DLGAP2: variants seen among roughly 807,000 people sequenced by gnomAD.
The protein encoded by DLGAP2 is DLG associated protein 2.
Under a neutral mutation model 100.3 loss-of-function variants are expected in DLGAP2, and 26 were observed. The ratio of observed to expected loss-of-function variants is 0.26; its 90% CI spans 0.19 to 0.36. The LOEUF is 0.36. Ranked by LOEUF, DLGAP2 falls within the 10% of genes least tolerant of loss-of-function variation. DLGAP2 has a pLI of 1.00. For missense variants in DLGAP2, 1,858 were observed against 1,453.2 expected (o/e 1.28, Z -4.53); for synonymous variants, 886 against 630.1 (o/e 1.41, Z -6.08).
intron 8 of DLGAP2, among the ~76,000 whole-genome samples, chr8:1,647,157 G>C (rs1381868450): frequency 3.3e-5 from 5 of 152,188 alleles, no homozygotes; most frequent in East Asian, 1.9e-4. Context: ...AGTGCAGACA[G>C]TCCCCCAGCT....
At chr8:790,920 C>G (rs549999159) in intron 1 of DLGAP2, among the ~76,000 whole-genome samples, 2 of 152,080 alleles carry the variant, frequency 1.3e-5, no homozygotes, top group South Asian at 2.1e-4. Flanking sequence ...TAATTTTGTG[C>G]TTTGTAGAGA....
intron 1 of DLGAP2, among the ~76,000 whole-genome samples, chr8:847,494 G>A (rs1219687525): frequency 2.6e-5 from 4 of 151,632 alleles, no homozygotes; most frequent in African/African-American, 7.3e-5. Flanking sequence ...TCTTGATTGT[G>A]TACTTTTTTC....
chr8:1,553,395 C>T lies in DLGAP2; in HGVS notation c.1230+3712C>T, dbSNP rs578193019. On this transcript the variant is annotated intron_variant, in intron 5 of 14. Transcript: ENST00000637795. ...CTCCCAGTTTTATTCGGCATGTTCA[C>T]GGGCAGCAGCCCCATTTTGTTTGGC... Among the ~76,000 whole-genome samples the T allele has an allele frequency of 8.7e-4, 132 of 152,290 alleles. 2 individuals carry two copies. The highest frequency in any genetic ancestry group is 6.8e-3 in the South Asian group (33 of 4,826).
At chr8:902,985 C>CGGG (rs539189812) in intron 1 of DLGAP2, among the ~76,000 whole-genome samples, 1 of 39,746 alleles carries the variant, frequency 2.5e-5, no homozygotes, top group African/African-American at 1.2e-4. Context: ...TGGGTGGGGG[C>CGGG]GGGGGGGCGG....
At chr8:1,325,526 T>A (rs1218941503) in intron 3 of DLGAP2, among the ~76,000 whole-genome samples, 1 of 152,208 alleles carries the variant, frequency 6.6e-6, no homozygotes, top group Admixed American at 6.5e-5. Context: ...TTTGTACGCA[T>A]ACATTGCTAG....
At chr8:1,572,091 G>T (rs112206878) in intron 6 of DLGAP2, among the ~76,000 whole-genome samples, 2 of 130,744 alleles carry the variant, frequency 1.5e-5, no homozygotes, top group African/African-American at 6.3e-5. Context: ...AACTGTGGGG[G>T]CGTCTGATGA....
intron 2 of DLGAP2, among the ~76,000 whole-genome samples, chr8:1,135,913 T>C (rs1426270672): frequency 2.6e-5 from 4 of 152,204 alleles, no homozygotes; most frequent in African/African-American, 9.7e-5. Context: ...GCAATCATTT[T>C]TCGAAGTTAA....
intron 2 of DLGAP2, among the ~76,000 whole-genome samples, chr8:1,000,150 C>A (rs369623450): frequency 5.6e-5 from 4 of 71,952 alleles, no homozygotes; most frequent in Non-Finnish European, 1.4e-4. Context: ...TTCTTTTGCA[C>A]TGGATTTTCT....
chr8:885,072 A>G (rs7010148), intron 1 of DLGAP2, among the ~76,000 whole-genome samples: 13,776 of 152,136 alleles, frequency 0.091, 934 homozygotes, highest in Admixed American at 0.23. Flanking sequence ...GCATGATGCC[A>G]CCAGCTTTCT....
intron 1 of DLGAP2, among the ~76,000 whole-genome samples, chr8:794,052 T>C (rs1198493215): frequency 1.3e-5 from 2 of 151,750 alleles, no homozygotes; most frequent in African/African-American, 4.9e-5. Flanking sequence ...GTGAGTGAGG[T>C]TGGGATGAGC....
Position 1,691,608 on chromosome 8 carries a change from G to T in DLGAP2, c.2778G>T (p.Trp926Cys), listed in dbSNP as rs376702358. 5 of 1,613,838 alleles carry T rather than the reference G, an allele frequency of 3.1e-6. No homozygotes were observed. Among genetic ancestry groups the T allele is most frequent in the Non-Finnish European group, 3.4e-6 (4 of 1,179,926 alleles). The stretch of plus-strand genomic sequence containing the variant: ...CCCAGAAATTCCAGCAGTTTTATTG[G>T]CTTTGCCAACAGAATATGGTAAGTG... ...LMSQKFQQFYWLCQQNMDPSA... is the reference protein window; with the variant it reads ...LMSQKFQQFYCLCQQNMDPSA... Residue 926 changes from tryptophan to cysteine, a missense_variant, in exon 13 of 15, where the codon TGG (tryptophan) becomes TGT (cysteine). Coordinates refer to ENST00000637795, the MANE Select transcript of DLGAP2 (RefSeq NM_001346810.2).
At chr8:1,282,097 T>C (rs1429210074) in intron 3 of DLGAP2, among the ~76,000 whole-genome samples, 1 of 141,570 alleles carries the variant, frequency 7.1e-6, no homozygotes, top group Non-Finnish European at 1.5e-5. Context: ...TGGTGTGACC[T>C]GAACCCAGCA....
intron 2 of DLGAP2, among the ~76,000 whole-genome samples, chr8:1,008,418 C>A (rs974950322): frequency 6.6e-6 from 1 of 152,170 alleles, no homozygotes; most frequent in Admixed American, 6.5e-5. Flanking sequence ...TTATCATATT[C>A]TAGTAATAGG....
chr8:1,002,826 C>A lies in DLGAP2; in HGVS notation c.73+94860C>A, dbSNP rs116450862. 654 of 152,490 alleles carry A rather than the reference C, an allele frequency of 4.3e-3. 3 individuals carry two copies. Among genetic ancestry groups the A allele is most frequent in the African/African-American group, 0.015 (622 of 41,572 alleles). The allele number at this position is 152,490 out of a possible 1,614,324, so 9.4% of individuals were successfully genotyped here. ...GGAGTGGAGTTAGTTTGACCGAGTC[C>A]TGGACTAGGGAGGGGACCCCCAAAG... is the stretch of plus-strand genomic sequence containing the variant. On this transcript the variant is annotated intron_variant, in intron 2 of 14. Transcript: ENST00000637795.
chr8:1,312,098 C>A (rs1049038072), intron 3 of DLGAP2, among the ~76,000 whole-genome samples: 1 of 152,222 alleles, frequency 6.6e-6, no homozygotes, highest in Admixed American at 6.5e-5. Flanking sequence ...AGCAGCAGAA[C>A]ACAGATTCTT....
chr8:1,446,776 G>A (rs137996283), intron 3 of DLGAP2, among the ~76,000 whole-genome samples: 2 of 152,056 alleles, frequency 1.3e-5, no homozygotes, highest in African/African-American at 4.8e-5. Context: ...ATTGAGCAGT[G>A]GTTTTTAGTT....
At chr8:1,255,736 G>T (rs1431739467) in intron 2 of DLGAP2, among the ~76,000 whole-genome samples, 1 of 139,134 alleles carries the variant, frequency 7.2e-6, no homozygotes, top group Non-Finnish European at 1.6e-5. Flanking sequence ...TCTCCTGCCC[G>T]AGCACTGTAT....
chr8:932,690 AAGAC>A (rs1382213170), intron 2 of DLGAP2, among the ~76,000 whole-genome samples: 1 of 152,234 alleles, frequency 6.6e-6, no homozygotes, highest in Non-Finnish European at 1.5e-5. Flanking sequence ...AATTACATGA[AAGAC>A]AGAGAAAGAA....
intron 1 of DLGAP2, among the ~76,000 whole-genome samples, chr8:816,977 A>G (rs1205990309): frequency 6.6e-6 from 1 of 152,146 alleles, no homozygotes; most frequent in Non-Finnish European, 1.5e-5. Context: ...TGTCTCTACT[A>G]AAAATACAAC....
Sources: allele counts gnomAD v4.1 joint callset (sites outside exome capture counted in the v4.1 genomes callset), GRCh38; gene constraint gnomAD v4.1.1; transcripts MANE v1.5; gene names NCBI Gene and HGNC (gene_info 2026-07-23, HGNC 2026-07-21).